Variants in PREP observed in about 807,000 individuals in gnomAD.
The protein encoded by PREP is dJ355L5.1 (prolyl endopeptidase).
In PREP, 29 loss-of-function variants were observed where a neutral mutation model predicts 87.6. The ratio of observed to expected loss-of-function variants is 0.33; its 90% CI spans 0.25 to 0.45. PREP has a LOEUF of 0.45. Among genes scored for constraint, PREP ranks in the 20% least tolerant of loss-of-function variants. PREP has a pLI of 1.00. For missense variants in PREP, 695 were observed against 886.5 expected (o/e 0.78, Z 2.74); for synonymous variants, 337 against 328.6 (o/e 1.03, Z -0.28).
chr6:105,384,033 C>T (rs984723336), intron 2 of PREP, among the ~76,000 whole-genome samples: 11 of 152,176 alleles, frequency 7.2e-5, no homozygotes, highest in African/African-American at 2.7e-4. Context: ...ACAAGACTAT[C>T]ACACATTAAG....
intron 1 of PREP, among the ~76,000 whole-genome samples, chr6:105,401,768 A>G (rs1773436683): frequency 6.6e-6 from 1 of 152,248 alleles, no homozygotes; most frequent in Admixed American, 6.5e-5. Flanking sequence ...GGAAGTCTTA[A>G]TTTAAAACAG....
Position 105,329,011 on chromosome 6 carries a change from A to G in PREP, c.1031T>C (p.Val344Ala), listed in dbSNP as rs1449226107. The change falls in exon 9 of 15, where the codon GTC becomes GCC. Residue 344 changes from valine (V) to alanine (A), a missense_variant. Transcript: ENST00000652536. ...GCATAAGACCAAGAAGTTGGACCTG[A>G]CACAAGCTATCCATTCTGAAAGGAT... Reference protein sequence around the residue: ...EKDVLEWIACVRSNFLVLCYL... With the variant: ...EKDVLEWIACARSNFLVLCYL... 6.2e-7 allele frequency: 1 copy of G among 1,613,694 alleles called. No homozygotes were observed. Among genetic ancestry groups the G allele is most frequent in the Admixed American group, 1.7e-5 (1 of 60,004 alleles).
intron 2 of PREP, 47 bp downstream of exon 2, chr6:105,397,806 G>A (rs367777472): frequency 3.6e-6 from 5 of 1,395,732 alleles, no homozygotes; most frequent in Non-Finnish European, 5.1e-6. Context: ...TTAGAGTTTG[G>A]TGCTAGCTAC....
At chr6:105,372,421 T>C (rs555319869) in intron 5 of PREP, among the ~76,000 whole-genome samples, 1 of 152,024 alleles carries the variant, frequency 6.6e-6, no homozygotes, top group East Asian at 1.9e-4. Flanking sequence ...CCAACCAACA[T>C]AACAAGAAAA....
intron 10 of PREP, among the ~76,000 whole-genome samples, chr6:105,301,479 G>C (rs1440479044): frequency 6.6e-6 from 1 of 152,214 alleles, no homozygotes; most frequent in Non-Finnish European, 1.5e-5. Context: ...AGGACTTAGA[G>C]GGAGGCATTA....
At chr6:105,301,996 T>C (rs1048742259) in intron 10 of PREP, among the ~76,000 whole-genome samples, 6 of 152,150 alleles carry the variant, frequency 3.9e-5, no homozygotes, top group African/African-American at 7.2e-5. Context: ...ATGAGTTTAT[T>C]TGGATTTTAG....
intron 2 of PREP, among the ~76,000 whole-genome samples, chr6:105,385,301 A>G (rs901193085): frequency 7.9e-5 from 12 of 151,250 alleles, no homozygotes; most frequent in African/African-American, 9.7e-5. Flanking sequence ...AAAAAAAAAA[A>G]AGAAAAAAAG....
chr6:105,397,037 T>C (rs1773302323), intron 2 of PREP, among the ~76,000 whole-genome samples: 1 of 151,836 alleles, frequency 6.6e-6, no homozygotes, highest in African/African-American at 2.4e-5. Context: ...ATACAAAAAC[T>C]AGCCGGGTGT....
chr6:105,387,894 G>A (rs1221287818), intron 2 of PREP, among the ~76,000 whole-genome samples: 1 of 152,184 alleles, frequency 6.6e-6, no homozygotes, highest in Non-Finnish European at 1.5e-5. Flanking sequence ...TTCCATGCTG[G>A]TATAGGCATC....
At chr6:105,376,092 G>C (rs1231780050) in intron 4 of PREP, 33 bp downstream of exon 4, 2 of 1,599,944 alleles carry the variant, frequency 1.3e-6, no homozygotes, top group South Asian at 2.3e-5. Context: ...GAGGGTCTTA[G>C]GAGTTCCACG....
chr6:105,395,167 AT>A (rs1773256761), intron 2 of PREP, among the ~76,000 whole-genome samples: 1 of 152,202 alleles, frequency 6.6e-6, no homozygotes, highest in Non-Finnish European at 1.5e-5. Context: ...AATTTAAAAA[AT>A]ATATATATTT....
At chr6:105,305,756 C>T (rs965206957) in intron 10 of PREP, among the ~76,000 whole-genome samples, 1 of 152,164 alleles carries the variant, frequency 6.6e-6, no homozygotes, top group Non-Finnish European at 1.5e-5. Context: ...CACTCTAGCC[C>T]CAGCATTATC....
At chr6:105,301,876 C>T (rs1459324047) in intron 10 of PREP, among the ~76,000 whole-genome samples, 2 of 152,128 alleles carry the variant, frequency 1.3e-5, no homozygotes, top group African/African-American at 4.8e-5. Flanking sequence ...TACGCCTTTT[C>T]CCAGTCTCAA....
Position 105,274,603 on chromosome 6 carries a change from TAAAAATAC to T in PREP, c.*3533_*3540del, listed in dbSNP as rs1203768375. ...CAACATGGTGAAACCCCATCTCTAC[TAAAAATAC>T]AAAAAGATTAGCCGGGAATGATGGT... On this transcript the variant is annotated 3_prime_UTR_variant, in exon 15 of 15. Coordinates refer to ENST00000652536, the MANE Select transcript of PREP (RefSeq NM_002726.5). Among the ~76,000 whole-genome samples, 2 of 152,042 alleles carry T rather than the reference TAAAAATAC, an allele frequency of 1.3e-5. No homozygotes were observed. The highest frequency in any genetic ancestry group is 2.9e-5 in the Non-Finnish European group (2 of 68,016).
chr6:105,320,048 A>G (rs1174378684), intron 10 of PREP, among the ~76,000 whole-genome samples: 1 of 152,234 alleles, frequency 6.6e-6, no homozygotes, highest in Non-Finnish European at 1.5e-5. Context: ...CTGACTGTAA[A>G]TGTAGACAGA....
At chr6:105,291,564 G>C (rs1277874256) in intron 10 of PREP, among the ~76,000 whole-genome samples, 2 of 152,108 alleles carry the variant, frequency 1.3e-5, no homozygotes, top group African/African-American at 2.4e-5. Flanking sequence ...TAGCTTCCCA[G>C]CTTACATCTT....
intron 7 of PREP, among the ~76,000 whole-genome samples, chr6:105,343,176 G>C (rs1428716023): frequency 6.6e-6 from 1 of 152,158 alleles, no homozygotes; most frequent in Non-Finnish European, 1.5e-5. Context: ...TACCCAAACA[G>C]AGATATAGAC....
chr6:105,352,672 T>C (rs1274162143), intron 7 of PREP, among the ~76,000 whole-genome samples: 1 of 152,160 alleles, frequency 6.6e-6, no homozygotes, highest in Admixed American at 6.5e-5. Context: ...ATCTAAATAG[T>C]TACAGACCAA....
At chr6:105,335,328 T>C (rs1012200729) in intron 7 of PREP, among the ~76,000 whole-genome samples, 3 of 152,236 alleles carry the variant, frequency 2.0e-5, no homozygotes, top group Admixed American at 2.0e-4. Flanking sequence ...GTGAAATTGC[T>C]ACACTAATTT....
Sources: allele counts gnomAD v4.1 joint callset (sites outside exome capture counted in the v4.1 genomes callset), GRCh38; gene constraint gnomAD v4.1.1; transcripts MANE v1.5; gene names NCBI Gene and HGNC (gene_info 2026-07-23, HGNC 2026-07-21).